NCOA1: variants seen among roughly 807,000 people sequenced by gnomAD.
NCOA1 encodes nuclear receptor coactivator 1.
NCOA1 carries 35 observed loss-of-function variants against 150.9 expected under a neutral mutation model. That is an observed-to-expected ratio of 0.23 (90% CI 0.18 to 0.31). The LOEUF (loss-of-function observed/expected upper bound fraction) is 0.31, where lower values mean the gene tolerates loss of function less well. NCOA1 is among the 10% of genes least tolerant of loss of function. The probability of loss-of-function intolerance (pLI) is 1.00; values close to 1 mark genes in which losing one functional copy is unlikely to be tolerated. For synonymous variants in NCOA1, 590 were observed against 630.0 expected (o/e 0.94, Z 0.95); for missense variants, 1,491 against 1,749.3 (o/e 0.85, Z 2.63).
intron 2 of NCOA1, among the ~76,000 whole-genome samples, chr2:24,573,689 A>G (rs1482378766): frequency 6.6e-6 from 1 of 152,142 alleles, no homozygotes; most frequent in Non-Finnish European, 1.5e-5. Flanking sequence ...AATCTCAGTA[A>G]ATTCCAGAAA....
chr2:24,682,909 A>G, intron 7 of NCOA1, 42 bp from the exon 8 acceptor site: 1 of 1,514,262 alleles, frequency 6.6e-7, no homozygotes, highest in Admixed American at 2.5e-5. Flanking sequence ...TTTTTCTTTT[A>G]TCTTTCAACC....
chr2:24,746,520 C>T (rs1441235823), intron 19 of NCOA1, among the ~76,000 whole-genome samples: 1 of 152,112 alleles, frequency 6.6e-6, no homozygotes, highest in Non-Finnish European at 1.5e-5. Flanking sequence ...CTAGTCTGGG[C>T]AATAGAGCAA....
chr2:24,516,975 C>T (rs554024101), intron 1 of NCOA1, among the ~76,000 whole-genome samples: 177 of 22,526 alleles, frequency 7.9e-3, no homozygotes, highest in African/African-American at 0.014. Flanking sequence ...CGTATATATA[C>T]ACATATACGT....
intron 19 of NCOA1, among the ~76,000 whole-genome samples, chr2:24,743,231 G>A (rs1663701207): frequency 1.3e-5 from 2 of 152,196 alleles, no homozygotes; most frequent in South Asian, 4.1e-4. Flanking sequence ...GCTTAAAAAT[G>A]AATTTCAATG....
intron 2 of NCOA1, among the ~76,000 whole-genome samples, chr2:24,567,320 G>A (rs766652325): frequency 2.0e-5 from 3 of 152,162 alleles, no homozygotes; most frequent in East Asian, 3.8e-4. Context: ...TATATAGTTC[G>A]TCTTAGTACC....
intron 1 of NCOA1, among the ~76,000 whole-genome samples, chr2:24,527,160 T>G (rs1664686319): frequency 6.6e-6 from 1 of 152,154 alleles, no homozygotes. Flanking sequence ...AACCACTGTT[T>G]CCCCATGGTA....
intron 3 of NCOA1, among the ~76,000 whole-genome samples, chr2:24,603,099 A>G (rs536492360): frequency 6.6e-5 from 10 of 152,228 alleles, no homozygotes; most frequent in African/African-American, 9.6e-5. Flanking sequence ...GAATCACACA[A>G]ATTTTTTGCT....
At chr2:24,740,763 C>T (rs1663562112) in intron 18 of NCOA1, among the ~76,000 whole-genome samples, 1 of 152,266 alleles carries the variant, frequency 6.6e-6, no homozygotes, top group Admixed American at 6.5e-5. Context: ...CAAGACCCCA[C>T]TTTTGGATTC....
intron 1 of NCOA1, among the ~76,000 whole-genome samples, chr2:24,502,248 C>G (rs1663495438): frequency 6.6e-6 from 1 of 152,142 alleles, no homozygotes; most frequent in Non-Finnish European, 1.5e-5. Flanking sequence ...GTGCTTTTGA[C>G]CTATCTTTAG....
intron 2 of NCOA1, among the ~76,000 whole-genome samples, chr2:24,576,230 C>A (rs1255007950): frequency 7.6e-6 from 1 of 131,660 alleles, no homozygotes; most frequent in Non-Finnish European, 1.6e-5. Context: ...TGGTTTCCTT[C>A]CACACAGGAC....
At chr2:24,535,945 C>G (rs1291470090) in intron 1 of NCOA1, among the ~76,000 whole-genome samples, 2 of 152,088 alleles carry the variant, frequency 1.3e-5, no homozygotes, top group Admixed American at 6.6e-5. Context: ...TTGCTCTTCT[C>G]GAGGAGTATC....
At chr2:24,526,713 TC>T (rs1331103065) in intron 1 of NCOA1, among the ~76,000 whole-genome samples, 1 of 131,342 alleles carries the variant, frequency 7.6e-6, no homozygotes, top group Non-Finnish European at 1.7e-5. Context: ...AGACCCTTTC[TC>T]AAAAAAAAAA....
chr2:24,539,128 T>G (rs777642160), intron 1 of NCOA1, among the ~76,000 whole-genome samples: 23 of 145,594 alleles, frequency 1.6e-4, no homozygotes, highest in Non-Finnish European at 3.1e-4. Flanking sequence ...TGAAGGTGAG[T>G]TTTTTCCCCC....
intron 3 of NCOA1, among the ~76,000 whole-genome samples, chr2:24,599,377 T>C (rs1230426114): frequency 2.0e-5 from 3 of 152,308 alleles, no homozygotes; most frequent in East Asian, 1.9e-4. Flanking sequence ...GTATAACATA[T>C]AATATTTGAA....
chr2:24,627,993 A>C (rs1036854281), intron 3 of NCOA1, among the ~76,000 whole-genome samples: 1 of 152,118 alleles, frequency 6.6e-6, no homozygotes, highest in South Asian at 2.1e-4. Context: ...ATCTGTGCCT[A>C]ATTCCTTATA....
chr2:24,523,989 A>G (rs1489255933), intron 1 of NCOA1, among the ~76,000 whole-genome samples: 1 of 151,510 alleles, frequency 6.6e-6, no homozygotes, highest in African/African-American at 2.4e-5. Flanking sequence ...AAGACCCAAA[A>G]TTAGAGGAAG....
At chr2:24,686,577 A>G (rs780844481) in intron 8 of NCOA1, among the ~76,000 whole-genome samples, 4 of 152,152 alleles carry the variant, frequency 2.6e-5, no homozygotes, top group South Asian at 2.1e-4. Context: ...GTATAGATCT[A>G]TCCTCTTATT....
intron 1 of NCOA1, among the ~76,000 whole-genome samples, chr2:24,545,715 A>C (rs1010472841): frequency 6.6e-6 from 1 of 152,254 alleles, no homozygotes; most frequent in Admixed American, 6.5e-5. Context: ...GGGGAGAGGT[A>C]GATACTTGTA....
chr2:24,572,817 T>C (rs1666795001), intron 2 of NCOA1, among the ~76,000 whole-genome samples: 1 of 152,182 alleles, frequency 6.6e-6, no homozygotes, highest in South Asian at 2.1e-4. Flanking sequence ...GGCCAGTTAT[T>C]ATTATTGAGT....
Sources: allele counts gnomAD v4.1 joint callset (sites outside exome capture counted in the v4.1 genomes callset), GRCh38; gene constraint gnomAD v4.1.1; transcripts MANE v1.5; gene names NCBI Gene and HGNC (gene_info 2026-07-23, HGNC 2026-07-21).